Variants in DNAAF5 observed in about 807,000 individuals in gnomAD.
DNAAF5 encodes the protein HEAT repeat containing 2.
In DNAAF5, 64 loss-of-function variants were observed where a neutral mutation model predicts 75.8. That is an observed-to-expected ratio of 0.84 (90% CI 0.69 to 1.04). The LOEUF (loss-of-function observed/expected upper bound fraction) is 1.04. Ranked by LOEUF, DNAAF5 falls within the 50% of genes least tolerant of loss-of-function variation. DNAAF5 has a pLI of 0.00. For synonymous variants in DNAAF5, 657 were observed against 557.2 expected (o/e 1.18, Z -2.52); for missense variants, 1,269 against 1,178.5 (o/e 1.08, Z -1.12).
intron 4 of DNAAF5, among the ~76,000 whole-genome samples, chr7:744,113 C>G (rs1397925760): frequency 6.6e-6 from 1 of 151,726 alleles, no homozygotes; most frequent in African/African-American, 2.4e-5. Context: ...CAACAGTTCT[C>G]AGAGTGTGAT....
rs142816176 is a variant in DNAAF5 at position 745,541 on chromosome 7, TCA to T, written c.1024+4080_1024+4081del. Among the ~76,000 whole-genome samples, 581 of 152,102 alleles carry T rather than the reference TCA, an allele frequency of 3.8e-3. 1 individual carries two copies. The highest frequency in any genetic ancestry group is 5.0e-3 in the African/African-American group (207 of 41,496). On this transcript the variant is annotated intron_variant, in intron 4 of 12. Coordinates refer to ENST00000297440, the MANE Select transcript of DNAAF5 (RefSeq NM_017802.4). ...TGCACACGTGTGTACATGCATATCG[TCA>T]CACGCGTACACACATCCTCGCACAT...
rs1424290793 is a variant in DNAAF5 at position 727,125 on chromosome 7, C to G, written c.405C>G (p.Pro135=). 3 of 1,169,632 alleles carry G rather than the reference C, an allele frequency of 2.6e-6. No individual in the cohort carries two copies. Among genetic ancestry groups the G allele is most frequent in the Non-Finnish European group, 3.2e-6 (3 of 949,212 alleles). The allele number at this position is 1,169,632 out of a possible 1,614,324, so 72.5% of individuals were successfully genotyped here. Residue 135 remains proline (P), a synonymous_variant, in exon 1 of 13, where the codon CCC becomes CCG. Transcript: ENST00000297440. The stretch of plus-strand genomic sequence containing the variant: ...GCCCCGTGCCCGCGCGCCGCCCGCC[C>G]GAGGCCTGTGAGGAGCTGCGCCTGG... ...LAGPVPARRP[P]EACEELRLAL... is the part of the protein sequence containing the mutation.
At chr7:773,902 C>T (rs529707984) in intron 9 of DNAAF5, 146 bp from the exon 10 acceptor site, 142 of 868,960 alleles carry the variant, frequency 1.6e-4, no homozygotes, top group Non-Finnish European at 2.4e-4. Flanking sequence ...AGAAGCAGCT[C>T]CTGAGAGGAG....
In DNAAF5 at chr7:775,008, A is replaced by G. The variant is rs371873523; in HGVS notation, c.2085A>G (p.Ile695Met). ...TCGTATGTGTTTGCTGATTGCAGAT[A>G]CGGGACGTGCAGGAAACACTGATGC... The part of the protein sequence containing the change: ...TSSEVLSAEQ[I>M]RDVQETLMPQ... Residue 695 changes from isoleucine to methionine, a missense_variant and splice_region_variant, in exon 11 of 13, where the codon ATA becomes ATG. Physicochemically the swap from Ile to Met is conservative, Grantham distance 10. Transcript: ENST00000297440. The G allele has an allele frequency of 1.2e-6, 2 of 1,613,824 alleles. No individual in the cohort carries two copies. Among genetic ancestry groups the G allele is most frequent in the Non-Finnish European group, 1.7e-6 (2 of 1,179,968 alleles).
chr7:738,809 T>G (rs1467563085), intron 2 of DNAAF5, among the ~76,000 whole-genome samples: 1 of 152,236 alleles, frequency 6.6e-6, no homozygotes, highest in Non-Finnish European at 1.5e-5. Flanking sequence ...GGTGAGATGT[T>G]TGAAGCTCCT....
intron 8 of DNAAF5, chr7:769,043 C>A: frequency 1.5e-6 from 1 of 651,152 alleles, no homozygotes; most frequent in South Asian, 1.7e-5. Context: ...ACCAGCTGGT[C>A]TCACCGCGAG....
At chr7:781,718 T>C (rs1442018468) in intron 12 of DNAAF5, among the ~76,000 whole-genome samples, 2 of 152,230 alleles carry the variant, frequency 1.3e-5, no homozygotes, top group Non-Finnish European at 2.9e-5. Context: ...CTCACTTGTT[T>C]CTATGTGCAT....
At chr7:738,419 T>A (rs62432211) in intron 2 of DNAAF5, among the ~76,000 whole-genome samples, 99,794 of 151,826 alleles carry the variant, frequency 0.66, 33,130 homozygotes, top group Middle Eastern at 0.81. Context: ...TGGTCACCGG[T>A]GCCTTATTTA....
chr7:770,552 G>A lies in DNAAF5; in HGVS notation c.1865G>A (p.Arg622His), dbSNP rs779833002. ...CAGCCCTCCCAAGACCCGCAGATGC[G>A]CCTGAAGCTGTTCTCCATCCTGTCC... ...CLQPSQDPQM[R>H]LKLFSILSTV... Residue 622 changes from arginine (R) to histidine (H), a missense_variant, in exon 9 of 13, where the codon CGC (arginine) becomes CAC (histidine). Arg to His is a conservative substitution (Grantham distance 29). Coordinates refer to ENST00000297440, the MANE Select transcript of DNAAF5 (RefSeq NM_017802.4). 18 of 1,613,778 alleles carry A rather than the reference G, an allele frequency of 1.1e-5. No individual in the cohort carries two copies. Among genetic ancestry groups the A allele is most frequent in the Admixed American group, 6.7e-5 (4 of 60,002 alleles).
intron 12 of DNAAF5, among the ~76,000 whole-genome samples, chr7:783,197 C>G (rs1343778358): frequency 6.6e-6 from 1 of 152,248 alleles, no homozygotes; most frequent in East Asian, 1.9e-4. Flanking sequence ...GGGTGCACTG[C>G]TCGTCCGTCC....
intron 4 of DNAAF5, among the ~76,000 whole-genome samples, chr7:748,318 G>A (rs532176848): frequency 4.0e-5 from 6 of 150,128 alleles, no homozygotes; most frequent in Non-Finnish European, 5.9e-5. Context: ...CAGCGTGTCC[G>A]GCTAGTGTGC....
intron 2 of DNAAF5, among the ~76,000 whole-genome samples, chr7:731,594 G>T (rs184201027): frequency 6.6e-6 from 1 of 152,196 alleles, no homozygotes; most frequent in Non-Finnish European, 1.5e-5. Context: ...CCTGCGGCCC[G>T]TGGGCCACAT....
intron 12 of DNAAF5, among the ~76,000 whole-genome samples, chr7:782,566 CAG>C (rs1779000900): frequency 6.8e-6 from 1 of 148,060 alleles, no homozygotes; most frequent in South Asian, 2.1e-4. Flanking sequence ...CACGCGGCGT[CAG>C]AAACTCGGAT....
At chr7:749,120 G>C (rs1267521115) in intron 4 of DNAAF5, among the ~76,000 whole-genome samples, 1 of 152,148 alleles carries the variant, frequency 6.6e-6, no homozygotes, top group Non-Finnish European at 1.5e-5. Flanking sequence ...CAAGCTTCGT[G>C]CTGGGAGGGT....
chr7:748,935 A>G (rs1466857991), intron 4 of DNAAF5, among the ~76,000 whole-genome samples: 2 of 152,242 alleles, frequency 1.3e-5, no homozygotes, highest in Non-Finnish European at 2.9e-5. Flanking sequence ...ACCTATCAAT[A>G]AGGAATTCAC....
intron 4 of DNAAF5, among the ~76,000 whole-genome samples, chr7:745,548 C>G (rs904315021): frequency 6.6e-6 from 1 of 152,080 alleles, no homozygotes; most frequent in Non-Finnish European, 1.5e-5. Flanking sequence ...TCGTCACACG[C>G]GTACACACAT....
chr7:741,490 C>T lies in DNAAF5; in HGVS notation c.1024+25C>T, dbSNP rs374930303. 1.4e-5 allele frequency: 19 copies of T among 1,314,496 alleles called. No individual in the cohort carries two copies. The Admixed American group carries it at 1.6e-4, about 11-fold the overall frequency. 81.4% of individuals were successfully genotyped at this position (1,314,496 alleles called of 1,614,324 possible). A position where few individuals can be genotyped will look rare whatever the true frequency, so the allele number is the denominator to read the frequency against. ...GGTGAGTGACCGCGGCAGAGGGGAG[C>T]GCCAGGAGGCGAGCCCTTGTTGGGT... On this transcript the variant is annotated intron_variant, in intron 4 of 12. Coordinates refer to ENST00000297440, the MANE Select transcript of DNAAF5 (RefSeq NM_017802.4).
At chr7:741,312 C>A in intron 3 of DNAAF5, 35 bp from the exon 4 acceptor site, 1 of 1,516,434 alleles carries the variant, frequency 6.6e-7, no homozygotes, top group East Asian at 2.3e-5. Context: ...GCGTGCCCTG[C>A]CCTGAGCCAC....
At position 744,067 on chromosome 7, in the gene DNAAF5, C is replaced by A. The variant is rs1782006487; in HGVS notation, c.1024+2602C>A. ...ACTCGTCATTTAGCATTAGGTATATCTCCTAATGCTATCCCTCCCCCCTCA... is the reference window on the plus strand; with the variant it reads ...ACTCGTCATTTAGCATTAGGTATATATCCTAATGCTATCCCTCCCCCCTCA... On this transcript the variant is annotated intron_variant, in intron 4 of 12. Coordinates refer to ENST00000297440, the MANE Select transcript of DNAAF5 (RefSeq NM_017802.4). Among the ~76,000 whole-genome samples, 4 of 151,930 alleles carry A rather than the reference C, an allele frequency of 2.6e-5. No individual in the cohort carries two copies. In the South Asian group the frequency reaches 8.3e-4, roughly 32 times the overall value.
Sources: gnomAD v4.1 joint callset for allele counts (sites outside exome capture counted in the v4.1 genomes callset) on GRCh38, gnomAD v4.1.1 for gene constraint, MANE v1.5 for transcripts, NCBI Gene and HGNC (gene_info 2026-07-23, HGNC 2026-07-21) for gene names.